The following TMEM67 variants were observed in gnomAD, a reference collection of about 807,000 sequenced individuals.
TMEM67 encodes the protein transmembrane protein 67.
A neutral mutation model predicts 136.6 loss-of-function variants in TMEM67; 124 were observed. The ratio of observed to expected loss-of-function variants is 0.91; its 90% CI spans 0.78 to 1.05. The LOEUF (loss-of-function observed/expected upper bound fraction) is 1.05. TMEM67 is among the 50% of genes least tolerant of loss of function. The pLI is 0.00. For synonymous variants in TMEM67, 364 were observed against 390.5 expected (o/e 0.93, Z 0.80); for missense variants, 1,107 against 1,178.4 (o/e 0.94, Z 0.89).
chr8:93,761,049 G>A (rs1586341521), intron 3 of TMEM67, among the ~76,000 whole-genome samples: 1 of 152,112 alleles, frequency 6.6e-6, no homozygotes, highest in African/African-American at 2.4e-5. Flanking sequence ...AGTGGCTCAC[G>A]CTTGTAATCC....
chr8:93,779,523 A>T (rs1279353449), intron 7 of TMEM67, among the ~76,000 whole-genome samples: 2 of 152,064 alleles, frequency 1.3e-5, no homozygotes, highest in Admixed American at 1.3e-4. Flanking sequence ...GATGTTGGTG[A>T]CCTACAGATG....
chr8:93,766,417 C>T (rs2130591488), intron 6 of TMEM67, among the ~76,000 whole-genome samples: 1 of 152,276 alleles, frequency 6.6e-6, no homozygotes. Context: ...TGCGCCCAGC[C>T]AGTTGTTTCT....
At chr8:93,755,943 T>A in intron 2 of TMEM67, 77 bp downstream of exon 2, 1 of 813,932 alleles carries the variant, frequency 1.2e-6, no homozygotes, top group Non-Finnish European at 2.0e-6. Context: ...AAAATATAAT[T>A]TAATGTTTAA....
At chr8:93,774,886 T>G (rs919248501) in intron 7 of TMEM67, among the ~76,000 whole-genome samples, 4 of 152,198 alleles carry the variant, frequency 2.6e-5, no homozygotes, top group Non-Finnish European at 2.9e-5. Context: ...GTAATGGGAT[T>G]GCTGGGTCAA....
chr8:93,785,513 CA>C, intron 12 of TMEM67, 135 bp downstream of exon 12: 3 of 828,522 alleles, frequency 3.6e-6, no homozygotes, highest in South Asian at 1.8e-5. Context: ...TACAGTGTGC[CA>C]AAAAATGAAA....
intron 6 of TMEM67, 104 bp downstream of exon 6, chr8:93,765,750 T>A: frequency 1.3e-6 from 1 of 790,176 alleles, no homozygotes; most frequent in Admixed American, 2.0e-5. Flanking sequence ...GTAAATCATT[T>A]TAAAACAGAA....
Position 93,799,740 on chromosome 8 carries a change from A to G in TMEM67, c.2223A>G (p.Leu741=). 1 of 1,613,784 alleles carries G rather than the reference A, an allele frequency of 6.2e-7. No homozygotes were observed. The highest frequency in any genetic ancestry group is 1.3e-5 in the African/African-American group (1 of 75,036). ...ATGCAGTGTCTGCTGCTCTTTGGCTAGCCATTGGAATTATACAGGTAAGGA... is the reference window on the plus strand; with the variant it reads ...ATGCAGTGTCTGCTGCTCTTTGGCTGGCCATTGGAATTATACAGGTAAGGA... ...LRYAVSAALW[L]AIGIIQVVFF... Residue 741 remains leucine, a synonymous_variant, in exon 21 of 28, where the codon CTA becomes CTG. Coordinates refer to ENST00000453321, the MANE Select transcript of TMEM67 (RefSeq NM_153704.6).
intron 10 of TMEM67, among the ~76,000 whole-genome samples, 154 bp downstream of exon 10, chr8:93,781,898 T>G (rs1813849723): frequency 6.7e-6 from 1 of 149,080 alleles, no homozygotes; most frequent in Non-Finnish European, 1.5e-5. Flanking sequence ...TTAAGTTTTT[T>G]GTTTGTTTGT....
At chr8:93,799,441 A>G (rs1454445594) in intron 20 of TMEM67, among the ~76,000 whole-genome samples, 177 bp from the exon 21 acceptor site, 2 of 152,206 alleles carry the variant, frequency 1.3e-5, no homozygotes, top group Admixed American at 6.5e-5. Flanking sequence ...TGTGTAATAA[A>G]TACTTTGTAG....
rs1208036950 is a variant in TMEM67 at position 93,766,564 on chromosome 8, GAGTT to G, written c.651+921_651+924del. 2.0e-5 allele frequency among the ~76,000 whole-genome samples: 3 copies of G among 152,192 alleles called. No homozygotes were observed. The East Asian group carries it at 5.8e-4, about 29-fold the overall frequency. The stretch of plus-strand genomic sequence containing the variant: ...AGAGGTAACAAATCCAAGAGAATAA[GAGTT>G]AGATGACTAGGAGTTACAATAGGAA... On this transcript the variant is annotated intron_variant, in intron 6 of 27. Transcript: ENST00000453321.
At chr8:93,776,563 G>A (rs557494771) in intron 7 of TMEM67, among the ~76,000 whole-genome samples, 2 of 152,134 alleles carry the variant, frequency 1.3e-5, no homozygotes, top group East Asian at 1.9e-4. Flanking sequence ...TAGCATGAAG[G>A]GCTGTTGAAT....
intron 6 of TMEM67, among the ~76,000 whole-genome samples, chr8:93,771,013 CA>C (rs768436450): frequency 0.044 from 5,522 of 125,490 alleles, 269 homozygotes; most frequent in African/African-American, 0.14. Context: ...AATTCCGTCT[CA>C]AAAAAAAAAA....
intron 17 of TMEM67, 74 bp from the exon 18 acceptor site, chr8:93,795,827 C>G (rs950797328): frequency 7.9e-7 from 1 of 1,261,758 alleles, no homozygotes; most frequent in African/African-American, 1.5e-5. Context: ...AAAACAAAAA[C>G]GAAAACAAAA....
At chr8:93,768,299 T>C (rs1277189087) in intron 6 of TMEM67, among the ~76,000 whole-genome samples, 2 of 152,128 alleles carry the variant, frequency 1.3e-5, no homozygotes, top group Non-Finnish European at 2.9e-5. Flanking sequence ...CATCTATGAC[T>C]ATTTCTGTGT....
intron 22 of TMEM67, among the ~76,000 whole-genome samples, chr8:93,804,277 T>C (rs973177897): frequency 1.3e-5 from 2 of 148,638 alleles, no homozygotes; most frequent in Non-Finnish European, 3.0e-5. Context: ...GTCAACCCTG[T>C]TTCTTCTTTT....
At chr8:93,777,816 G>A (rs1244010061) in intron 7 of TMEM67, among the ~76,000 whole-genome samples, 2 of 152,192 alleles carry the variant, frequency 1.3e-5, no homozygotes, top group Non-Finnish European at 2.9e-5. Flanking sequence ...GTGCTGAGAA[G>A]AATGTATATT....
At chr8:93,794,283 T>C (rs1026820436) in intron 16 of TMEM67, among the ~76,000 whole-genome samples, 1 of 152,220 alleles carries the variant, frequency 6.6e-6, no homozygotes, top group Non-Finnish European at 1.5e-5. Flanking sequence ...ACCGTCCCTA[T>C]ATCAAGATCA....
the TMEM67 span, among the ~76,000 whole-genome samples, chr8:93,825,772 C>G: frequency 6.6e-6 from 1 of 152,154 alleles, no homozygotes; most frequent in Non-Finnish European, 1.5e-5. Flanking sequence ...ACATTTAGGT[C>G]CTTCTGCATA....
Position 93,793,242 on chromosome 8 carries a change from T to C in TMEM67, c.1620T>C (p.Leu540=). Residue 540 remains leucine, a synonymous_variant, in exon 16 of 28, where the codon CTT becomes CTC. Coordinates refer to ENST00000453321, the MANE Select transcript of TMEM67 (RefSeq NM_153704.6). ...GTGGGCTAGCTGTTTTAGCATCTCTTTTGAAGACAGCAGGATGGAAGAGGC... is the reference window on the plus strand; with the variant it reads ...GTGGGCTAGCTGTTTTAGCATCTCTCTTGAAGACAGCAGGATGGAAGAGGC... ...VLGGLAVLAS[L]LKTAGWKRRI... is the part of the protein sequence containing the mutation. 5 of 1,614,214 alleles carry C rather than the reference T, an allele frequency of 3.1e-6. No homozygotes were observed. Among genetic ancestry groups the C allele is most frequent in the Non-Finnish European group, 4.2e-6 (5 of 1,180,020 alleles).
Sources: gnomAD v4.1 joint callset for allele counts (sites outside exome capture counted in the v4.1 genomes callset) on GRCh38, gnomAD v4.1.1 for gene constraint, MANE v1.5 for transcripts, NCBI Gene and HGNC (gene_info 2026-07-23, HGNC 2026-07-21) for gene names.